Variants in ROCK1 observed in about 807,000 individuals in gnomAD.
ROCK1 encodes the protein Rho associated coiled-coil containing protein kinase 1.
Under a neutral mutation model 196.8 loss-of-function variants are expected in ROCK1, and 36 were observed. The observed-to-expected ratio is 0.18, with a 90% confidence interval of 0.14 to 0.24. ROCK1 has a LOEUF of 0.24. ROCK1 is among the 10% of genes least tolerant of loss of function. The probability of loss-of-function intolerance (pLI) is 1.00; values close to 1 mark genes in which losing one functional copy is unlikely to be tolerated. For synonymous variants in ROCK1, 443 were observed against 515.9 expected (o/e 0.86, Z 1.91); for missense variants, 920 against 1,562.0 (o/e 0.59, Z 6.93).
At chr18:21,041,693 G>A (rs2036108465) in intron 8 of ROCK1, among the ~76,000 whole-genome samples, 1 of 152,066 alleles carries the variant, frequency 6.6e-6, no homozygotes, top group East Asian at 1.9e-4. Context: ...AGTATAAGGT[G>A]TATCACCGTT....
At chr18:20,952,053 A>C (rs1408782547) in intron 32 of ROCK1, among the ~76,000 whole-genome samples, 2 of 152,188 alleles carry the variant, frequency 1.3e-5, no homozygotes, top group Admixed American at 6.5e-5. Flanking sequence ...GTAAAATGAG[A>C]ACTTAATGAG....
intron 1 of ROCK1, among the ~76,000 whole-genome samples, chr18:21,105,646 C>T (rs1598565259): frequency 6.6e-6 from 1 of 151,990 alleles, no homozygotes; most frequent in Admixed American, 6.6e-5. Context: ...TTCAGTTTAG[C>T]GACAGGGACA....
chr18:21,059,229 T>C (rs373845357), intron 2 of ROCK1, among the ~76,000 whole-genome samples: 2 of 152,204 alleles, frequency 1.3e-5, no homozygotes, highest in African/African-American at 4.8e-5. Context: ...CCTTTCCAGA[T>C]GTTATCACTA....
intron 16 of ROCK1, among the ~76,000 whole-genome samples, chr18:21,004,793 A>C (rs1309018276): frequency 6.6e-6 from 1 of 152,208 alleles, no homozygotes; most frequent in Non-Finnish European, 1.5e-5. Flanking sequence ...AAAACAATTT[A>C]AGGAAGTCTG....
intron 22 of ROCK1, among the ~76,000 whole-genome samples, chr18:20,978,711 C>CA (rs1463507741): frequency 6.6e-6 from 1 of 151,956 alleles, no homozygotes; most frequent in Admixed American, 6.6e-5. Context: ...ATCTACAGGA[C>CA]AAAAAAATCC....
At chr18:21,062,290 A>C (rs1342502934) in intron 2 of ROCK1, among the ~76,000 whole-genome samples, 3 of 152,146 alleles carry the variant, frequency 2.0e-5, no homozygotes, top group Non-Finnish European at 4.4e-5. Context: ...TTTTTTAAAA[A>C]AAGTAAGAAC....
chr18:20,985,530 C>T (rs150710772), intron 19 of ROCK1, among the ~76,000 whole-genome samples: 38 of 152,188 alleles, frequency 2.5e-4, no homozygotes, highest in African/African-American at 7.5e-4. Flanking sequence ...TATAGCATTC[C>T]GTACTTTCTT....
chr18:21,089,350 G>A lies in ROCK1; in HGVS notation c.94-18737C>T, dbSNP rs538221427. On this transcript the variant is annotated intron_variant, in intron 1 of 32. Transcript: ENST00000399799. ...GCTGGGATTACAGGCGTGAGCCACCGCAGCCGGCCTAAAACTTTTTTTAAT... is the reference window on the plus strand; with the variant it reads ...GCTGGGATTACAGGCGTGAGCCACCACAGCCGGCCTAAAACTTTTTTTAAT... 5.9e-5 allele frequency among the ~76,000 whole-genome samples: 9 copies of A among 152,278 alleles called. No homozygotes were observed. In the East Asian group the frequency reaches 9.7e-4, roughly 16 times the overall value.
chr18:21,070,524 T>G lies in ROCK1; in HGVS notation c.175+8A>C, dbSNP rs1340195022. The G allele has an allele frequency of 1.3e-6, 2 of 1,514,350 alleles. No homozygotes were observed. The highest frequency in any genetic ancestry group is 1.8e-6 in the Non-Finnish European group (2 of 1,097,000). 93.8% of individuals were successfully genotyped at this position (1,514,350 alleles called of 1,614,324 possible). On this transcript the variant is annotated splice_region_variant and intron_variant, in intron 2 of 32. Coordinates refer to ENST00000399799, the MANE Select transcript of ROCK1 (RefSeq NM_005406.3). ...GTCTGTCATTAACCTCCACAAAAAA[T>G]TACTTACATCTGCTTAAAAAGTTGT...
At chr18:20,954,752 A>T in intron 31 of ROCK1, 31 bp downstream of exon 31, 1 of 1,549,142 alleles carries the variant, frequency 6.5e-7, no homozygotes, top group Admixed American at 2.0e-5. Flanking sequence ...TAAATTTGTT[A>T]TAAGTTGTAA....
chr18:20,965,368 C>T (rs1408896746), intron 27 of ROCK1, among the ~76,000 whole-genome samples: 5 of 151,996 alleles, frequency 3.3e-5, no homozygotes, highest in African/African-American at 4.8e-5. Context: ...GCCTGGGCAA[C>T]AGAGTGAGAC....
chr18:21,094,582 G>GAA (rs11420525), intron 1 of ROCK1, among the ~76,000 whole-genome samples: 21 of 149,204 alleles, frequency 1.4e-4, no homozygotes, highest in South Asian at 1.3e-3. Flanking sequence ...TACAAAAAAA[G>GAA]AAAAAAAAAT....
Position 20,973,637 on chromosome 18 carries a change from C to T in ROCK1, c.2655-3124G>A, listed in dbSNP as rs908299534. Among the ~76,000 whole-genome samples, 8 of 152,076 alleles carry T rather than the reference C, an allele frequency of 5.3e-5. 1 individual carries two copies. The highest frequency in any genetic ancestry group is 3.9e-4 in the Admixed American group (6 of 15,272). On this transcript the variant is annotated intron_variant, in intron 22 of 32. Transcript: ENST00000399799. Reference sequence around the variant, plus strand: ...TCGAGGGACTAGCATTAGATAAGAGCGTTAGCTCATGATGTCCATTTACAT... The same window carrying T: ...TCGAGGGACTAGCATTAGATAAGAGTGTTAGCTCATGATGTCCATTTACAT...
intron 2 of ROCK1, among the ~76,000 whole-genome samples, chr18:21,050,659 C>T (rs1438573257): frequency 2.6e-5 from 4 of 152,164 alleles, no homozygotes; most frequent in Non-Finnish European, 5.9e-5. Context: ...ACTTCAGTTC[C>T]AGTTCCTAAT....
At chr18:21,057,040 T>C (rs2036250163) in intron 2 of ROCK1, among the ~76,000 whole-genome samples, 1 of 152,244 alleles carries the variant, frequency 6.6e-6, no homozygotes, top group Admixed American at 6.5e-5. Context: ...TAAACTGTTG[T>C]ATCTTTTCCT....
intron 1 of ROCK1, among the ~76,000 whole-genome samples, chr18:21,100,094 T>C (rs1598563139): frequency 8.3e-6 from 1 of 121,190 alleles, no homozygotes; most frequent in Admixed American, 8.2e-5. Flanking sequence ...ACATACACAA[T>C]AAAATAAAAT....
intron 12 of ROCK1, among the ~76,000 whole-genome samples, chr18:21,018,945 A>G (rs1439812051): frequency 1.3e-5 from 2 of 152,198 alleles, no homozygotes; most frequent in Non-Finnish European, 2.9e-5. Flanking sequence ...AATTTAAAAT[A>G]AACGTGAGCA....
chr18:20,959,025 A>AT (rs1198203327), intron 29 of ROCK1, among the ~76,000 whole-genome samples: 1 of 62,998 alleles, frequency 1.6e-5, no homozygotes, highest in Non-Finnish European at 2.6e-5. Flanking sequence ...TATATATAAT[A>AT]TATATATTTT....
intron 1 of ROCK1, among the ~76,000 whole-genome samples, chr18:21,104,180 C>T (rs1302649537): frequency 1.3e-5 from 2 of 152,122 alleles, no homozygotes; most frequent in Non-Finnish European, 2.9e-5. Flanking sequence ...ACCATATATC[C>T]ATAACACCAA....
Sources: allele counts gnomAD v4.1 joint callset (sites outside exome capture counted in the v4.1 genomes callset), GRCh38; gene constraint gnomAD v4.1.1; transcripts MANE v1.5; gene names NCBI Gene and HGNC (gene_info 2026-07-23, HGNC 2026-07-21).